Variants in ZNF19 observed in about 807,000 individuals in gnomAD.
ZNF19 encodes the protein zinc finger protein 19 (KOX 12).
Under a neutral mutation model 13.1 loss-of-function variants are expected in ZNF19, and 11 were observed. That is an observed-to-expected ratio of 0.84 (90% CI 0.53 to 1.39). ZNF19 has a LOEUF of 1.39. ZNF19 is among the 40% of genes most tolerant of loss of function. The pLI, the probability that ZNF19 is intolerant of heterozygous loss-of-function variation, is 0.00. For missense variants in ZNF19, 560 were observed against 547.0 expected (o/e 1.02, Z -0.24); for synonymous variants, 186 against 187.0 (o/e 0.99, Z 0.04).
At chr16:71,478,474 G>C (rs768443569) in intron 4 of ZNF19, 133 bp from the exon 5 acceptor site, 3 of 736,550 alleles carry the variant, frequency 4.1e-6, no homozygotes, top group African/African-American at 1.7e-5. Flanking sequence ...AAGAGATTCC[G>C]ATCAACAGGA....
In ZNF19 at chr16:71,475,696, C is replaced by T; in HGVS notation, c.851G>A (p.Gly284Asp). Residue 284 changes from glycine to aspartate, a missense_variant, in exon 6 of 6, where the codon GGT (glycine) becomes GAT (aspartate). Coordinates refer to ENST00000288177, the MANE Select transcript of ZNF19 (RefSeq NM_006961.4). The part of the protein sequence containing the change: ...ECNECGKAFV[G>D]NSPLLRHQKI... Reference sequence around the variant, plus strand: ...CTGATGCCGAAGTAGGGGTGAATTACCAACAAAAGCTTTGCCACACTCATT... The same window carrying T: ...CTGATGCCGAAGTAGGGGTGAATTATCAACAAAAGCTTTGCCACACTCATT... 6.2e-7 allele frequency: 1 copy of T among 1,612,482 alleles called. No homozygotes were observed. Among genetic ancestry groups the T allele is most frequent in the South Asian group, 1.1e-5 (1 of 90,890 alleles).
At chr16:71,488,564 C>T (rs1010537264) in intron 1 of ZNF19, among the ~76,000 whole-genome samples, 75 of 152,018 alleles carry the variant, frequency 4.9e-4, no homozygotes, top group Admixed American at 4.4e-3. Context: ...TTTGGGAGGC[C>T]GAGACAGGCG....
In ZNF19 at chr16:71,474,579, TG is replaced by T. The variant is rs1371917245; in HGVS notation, c.*590del. 1 of 152,938 alleles carries T rather than the reference TG, an allele frequency of 6.5e-6. No homozygotes were observed. Among genetic ancestry groups the T allele is most frequent in the Non-Finnish European group, 1.5e-5 (1 of 68,648 alleles). 9.5% of individuals were successfully genotyped at this position (152,938 alleles called of 1,614,324 possible). A position where few individuals can be genotyped will look rare whatever the true frequency, so the allele number is the denominator to read the frequency against. On this transcript the variant is annotated 3_prime_UTR_variant, in exon 6 of 6. Coordinates refer to ENST00000288177, the MANE Select transcript of ZNF19 (RefSeq NM_006961.4). Reference sequence around the variant, plus strand: ...GGGCTTCCCAATCTCATCACAATCATGGGGTTGAGGAGCTGCCATGACTATA... The same window carrying T: ...GGGCTTCCCAATCTCATCACAATCATGGGTTGAGGAGCTGCCATGACTATA...
intron 3 of ZNF19, among the ~76,000 whole-genome samples, chr16:71,480,184 A>G (rs1049577662): frequency 2.0e-5 from 3 of 152,000 alleles, no homozygotes; most frequent in African/African-American, 7.3e-5. Flanking sequence ...TAGAGCCTCT[A>G]TTCACTCCTC....
intron 4 of ZNF19, 36 bp from the exon 5 acceptor site, chr16:71,478,377 G>T: frequency 6.8e-7 from 1 of 1,466,748 alleles, no homozygotes; most frequent in Non-Finnish European, 9.5e-7. Context: ...TTTCAGCCCT[G>T]TATCTGCTGT....
At position 71,475,575 on chromosome 16, in the gene ZNF19, T is replaced by C. The variant is rs770159813; in HGVS notation, c.972A>G (p.Thr324=). ...SHLSQHQRIH[T]GEKPYSCKVC... The stretch of plus-strand genomic sequence containing the variant: ...CTTTACAAGAATAAGGCTTTTCCCC[T>C]GTGTGAATACGCTGATGTTGGCTTA... The change falls in exon 6 of 6, where the codon ACA becomes ACG. Residue 324 remains threonine, a synonymous_variant. Transcript: ENST00000288177. 3 of 1,613,882 alleles carry C rather than the reference T, an allele frequency of 1.9e-6. No homozygotes were observed. The highest frequency in any genetic ancestry group is 2.5e-6 in the Non-Finnish European group (3 of 1,179,986).
intron 4 of ZNF19, 47 bp downstream of exon 4, chr16:71,478,832 A>C: frequency 6.3e-7 from 1 of 1,597,312 alleles, no homozygotes; most frequent in Non-Finnish European, 8.5e-7. Context: ...AGAAGGAAGG[A>C]AACTGGAAAA....
chr16:71,474,230 C>A lies in ZNF19; in HGVS notation c.*940G>T, dbSNP rs551046411. 6 of 152,320 alleles carry A rather than the reference C, an allele frequency of 3.9e-5. No homozygotes were observed. Among genetic ancestry groups the A allele is most frequent in the Non-Finnish European group, 5.9e-5 (4 of 68,024 alleles). 9.4% of individuals were successfully genotyped at this position (152,320 alleles called of 1,614,324 possible). On this transcript the variant is annotated 3_prime_UTR_variant, in exon 6 of 6. Transcript: ENST00000288177. ...AGAACCATGGCATTTCCTTGGCTCC[C>A]TAGCCAGGTCAAGGGCAAAGCGGGC...
At position 71,476,660 on chromosome 16, in the gene ZNF19, A is replaced by C. The variant is rs186661637; in HGVS notation, c.275-388T>G. ...AAGACTTAGAATCAGAAAGTGAAAC[A>C]GAACAGTATCAGAAAGCAAAGGCAA... On this transcript the variant is annotated intron_variant, in intron 5 of 5. Coordinates refer to ENST00000288177, the MANE Select transcript of ZNF19 (RefSeq NM_006961.4). 4.6e-3 allele frequency among the ~76,000 whole-genome samples: 702 copies of C among 152,364 alleles called. 2 individuals carry two copies. Among genetic ancestry groups the C allele is most frequent in the Non-Finnish European group, 7.9e-3 (536 of 68,032 alleles).
In ZNF19 at chr16:71,476,216, T is replaced by C. The variant is rs752635828; in HGVS notation, c.331A>G (p.Arg111Gly). Residue 111 changes from arginine (R) to glycine (G), a missense_variant, in exon 6 of 6, where the codon AGA (arginine) becomes GGA (glycine). Arg to Gly is a moderately radical substitution (Grantham distance 125, BLOSUM62 -2). Transcript: ENST00000288177. ...STLIQGISEE[R>G]DGMMSHGQLK... ...TGACCATGTGACATCATCCCATCTC[T>C]TTCTTCAGAAATTCCCTGGATTAAT... The C allele has an allele frequency of 1.4e-5, 23 of 1,614,128 alleles. No individual in the cohort carries two copies. The Middle Eastern group carries it at 8.2e-4, about 58-fold the overall frequency.
Position 71,476,249 on chromosome 16 carries a change from C to T in ZNF19, c.298G>A (p.Glu100Lys). ...GAAATTCCCTGGATTAATGTGGACT[C>T]ACTGTCAATGTTGGTCTCAACATCT... ...CKDVETNIDS[E>K]STLIQGISEE... The change falls in exon 6 of 6, where the codon GAG (glutamate) becomes AAG (lysine). Residue 100 changes from glutamate (E) to lysine (K), a missense_variant. Physicochemically the swap from Glu to Lys is moderately conservative, Grantham distance 56. Transcript: ENST00000288177. The T allele has an allele frequency of 6.2e-7, 1 of 1,612,896 alleles. No individual in the cohort carries two copies. Among genetic ancestry groups the T allele is most frequent in the Non-Finnish European group, 8.5e-7 (1 of 1,179,426 alleles).
chr16:71,484,342 G>C lies in ZNF19; in HGVS notation c.-30+247C>G, dbSNP rs556497088. Among the ~76,000 whole-genome samples, 5 of 152,324 alleles carry C rather than the reference G, an allele frequency of 3.3e-5. No homozygotes were observed. The South Asian group carries it at 6.2e-4, about 19-fold the overall frequency. The stretch of plus-strand genomic sequence containing the variant: ...GGGTTTGGGCGGCGTCGAGAACAGA[G>C]GCGTCCCTTCCATCCAGCCGCCCAT... On this transcript the variant is annotated intron_variant, in intron 2 of 5. Transcript: ENST00000288177.
In ZNF19 at chr16:71,484,584, C is replaced by A. The variant is rs2043662460; in HGVS notation, c.-30+5G>T. On this transcript the variant is annotated splice_donor_5th_base_variant and intron_variant, in intron 2 of 5. Transcript: ENST00000288177. ...GACTCCTAGGCGACAAACCCCAACA[C>A]TCACCTCAGGAAAAACAGAAAGCGG... The A allele has an allele frequency of 2.0e-6, 2 of 985,482 alleles. No individual in the cohort carries two copies. The highest frequency in any genetic ancestry group is 2.4e-6 in the Non-Finnish European group (2 of 829,968). The allele number at this position is 985,482 out of a possible 1,614,324, so 61.0% of individuals were successfully genotyped here.
In ZNF19 at chr16:71,474,691, T is replaced by A. The variant is rs1271630504; in HGVS notation, c.*479A>T. ...TGAAAACTTCAAACAACTGCTACAA[T>A]GACAACACTGTTTAAGTCAAAATTC... On this transcript the variant is annotated 3_prime_UTR_variant, in exon 6 of 6. Transcript: ENST00000288177. 1 of 159,744 alleles carries A rather than the reference T, an allele frequency of 6.3e-6. No individual in the cohort carries two copies. Among genetic ancestry groups the A allele is most frequent in the Non-Finnish European group, 1.4e-5 (1 of 72,712 alleles). The allele number at this position is 159,744 out of a possible 1,614,324, so 9.9% of individuals were successfully genotyped here. A position where few individuals can be genotyped will look rare whatever the true frequency, so the allele number is the denominator to read the frequency against.
intron 5 of ZNF19, 99 bp from the exon 6 acceptor site, chr16:71,476,371 A>C (rs2043603163): frequency 7.6e-7 from 1 of 1,318,912 alleles, no homozygotes; most frequent in African/African-American, 1.5e-5. Flanking sequence ...AGATCATTTC[A>C]ACTTTCACAT....
chr16:71,477,562 T>A (rs1473900697), intron 5 of ZNF19, among the ~76,000 whole-genome samples: 7 of 152,178 alleles, frequency 4.6e-5, no homozygotes, highest in Non-Finnish European at 1.0e-4. Context: ...GATTCAGCCT[T>A]CATTTTTTCT....
chr16:71,486,960 G>A (rs577563890), intron 1 of ZNF19: 74 of 152,258 alleles, frequency 4.9e-4, no homozygotes, highest in African/African-American at 1.7e-3. Flanking sequence ...AAAGAGTTGG[G>A]AATAACTTAT....
At chr16:71,485,466 C>CAA (rs1472843302) in intron 1 of ZNF19, among the ~76,000 whole-genome samples, 1 of 136,224 alleles carries the variant, frequency 7.3e-6, no homozygotes, top group Admixed American at 7.0e-5. Flanking sequence ...AAAAAAAAAC[C>CAA]AAAAAAACAA....
At chr16:71,483,288 C>A (rs1241494773) in intron 2 of ZNF19, among the ~76,000 whole-genome samples, 4 of 152,206 alleles carry the variant, frequency 2.6e-5, no homozygotes, top group African/African-American at 9.7e-5. Flanking sequence ...ACTATATCAT[C>A]TCTTACAGAC....
Sources: allele counts gnomAD v4.1 joint callset (sites outside exome capture counted in the v4.1 genomes callset), GRCh38; gene constraint gnomAD v4.1.1; transcripts MANE v1.5; gene names NCBI Gene and HGNC (gene_info 2026-07-23, HGNC 2026-07-21).